The following TBC1D32 variants were observed in gnomAD, a reference collection of about 807,000 sequenced individuals.
TBC1D32 encodes protein broad-minded.
In TBC1D32, 151 loss-of-function variants were observed where a neutral mutation model predicts 170.3. The observed-to-expected ratio is 0.89, with a 90% CI of 0.78 to 1.01. The LOEUF is 1.01. Among genes scored for constraint, TBC1D32 ranks in the 50% least tolerant of loss-of-function variants. TBC1D32 has a pLI of 0.00. For synonymous variants in TBC1D32, 498 were observed against 488.0 expected (o/e 1.02, Z -0.27); for missense variants, 1,464 against 1,457.1 (o/e 1.00, Z -0.08).
intron 9 of TBC1D32, among the ~76,000 whole-genome samples, chr6:121,300,334 C>T (rs1412845169): frequency 6.6e-6 from 1 of 151,996 alleles, no homozygotes; most frequent in Non-Finnish European, 1.5e-5. Context: ...GTAGTCCCAG[C>T]TACTCAGGAG....
chr6:121,087,068 G>C (rs189825770), intron 31 of TBC1D32, among the ~76,000 whole-genome samples: 9 of 152,060 alleles, frequency 5.9e-5, no homozygotes, highest in African/African-American at 1.9e-4. Flanking sequence ...CTTCTAGCTC[G>C]GTACTAATCC....
intron 31 of TBC1D32, among the ~76,000 whole-genome samples, chr6:121,088,163 C>T (rs1248666477): frequency 2.0e-5 from 3 of 151,962 alleles, no homozygotes; most frequent in African/African-American, 4.8e-5. Flanking sequence ...CCATGTTGCC[C>T]AGGCTGGTCT....
chr6:121,242,682 T>C (rs898885337), intron 17 of TBC1D32, among the ~76,000 whole-genome samples: 4 of 152,102 alleles, frequency 2.6e-5, no homozygotes, highest in African/African-American at 9.7e-5. Context: ...TCTCCAAACC[T>C]CAACACCCCA....
At chr6:121,149,566 T>C (rs774298171) in intron 24 of TBC1D32, among the ~76,000 whole-genome samples, 3 of 152,222 alleles carry the variant, frequency 2.0e-5, no homozygotes, top group Non-Finnish European at 2.9e-5. Flanking sequence ...CAGATGATTG[T>C]AGATGTGTAG....
intron 30 of TBC1D32, chr6:121,096,009 C>G (rs1312941967): frequency 6.6e-6 from 1 of 152,128 alleles, no homozygotes; most frequent in Non-Finnish European, 1.5e-5. Flanking sequence ...AGGAATGGCA[C>G]CAGCTCCTCT....
At position 121,150,713 on chromosome 6, in the gene TBC1D32, C is replaced by T. The variant is rs546395416; in HGVS notation, c.2773+9297G>A. Among the ~76,000 whole-genome samples, 478 of 152,290 alleles carry T rather than the reference C, an allele frequency of 3.1e-3. 1 individual carries two copies. Among genetic ancestry groups the T allele is most frequent in the Middle Eastern group, 0.031 (9 of 294 alleles). ...ATTGGTCTATTCAAGGATTCAACTTCTTCCTGGTTTAGTCTTGGGAGGGTG... is the reference window on the plus strand; with the variant it reads ...ATTGGTCTATTCAAGGATTCAACTTTTTCCTGGTTTAGTCTTGGGAGGGTG... On this transcript the variant is annotated intron_variant, in intron 24 of 31. Transcript: ENST00000398212.
In TBC1D32 at chr6:121,303,608, T is replaced by C; in HGVS notation, c.1080+9A>G. On this transcript the variant is annotated intron_variant, in intron 9 of 31. Transcript: ENST00000398212. The stretch of plus-strand genomic sequence containing the variant: ...CTAAAAGGTATAAAAATATTCTATT[T>C]TTCCTTACCATCCACTTTTTGAACC... 6.5e-7 allele frequency: 1 copy of C among 1,528,482 alleles called. No homozygotes were observed. Among genetic ancestry groups the C allele is most frequent in the Non-Finnish European group, 8.9e-7 (1 of 1,128,042 alleles). The allele number at this position is 1,528,482 out of a possible 1,614,324, so 94.7% of individuals were successfully genotyped here. A position where few individuals can be genotyped will look rare whatever the true frequency, so the allele number is the denominator to read the frequency against.
chr6:121,288,521 A>C (rs1408422595), intron 12 of TBC1D32, among the ~76,000 whole-genome samples: 1 of 152,182 alleles, frequency 6.6e-6, no homozygotes, highest in Admixed American at 6.5e-5. Flanking sequence ...ATACCTTGCC[A>C]ACCAAAAAAA....
At chr6:121,109,954 C>T (rs1046422574) in intron 29 of TBC1D32, among the ~76,000 whole-genome samples, 6 of 151,958 alleles carry the variant, frequency 3.9e-5, no homozygotes, top group South Asian at 2.1e-4. Flanking sequence ...CAGATCCTTA[C>T]ATATTTCTAT....
At chr6:121,151,548 A>T (rs1284309703) in intron 24 of TBC1D32, among the ~76,000 whole-genome samples, 2 of 152,048 alleles carry the variant, frequency 1.3e-5, no homozygotes, top group East Asian at 3.9e-4. Flanking sequence ...GCAAGTCCTG[A>T]ATATTCTCGT....
At chr6:121,306,227 T>A (rs1807302338) in intron 5 of TBC1D32, among the ~76,000 whole-genome samples, 1 of 152,174 alleles carries the variant, frequency 6.6e-6, no homozygotes, top group South Asian at 2.1e-4. Flanking sequence ...GGTAAACACC[T>A]TCCCTTTATG....
chr6:121,107,602 T>C (rs1004513664), intron 29 of TBC1D32, among the ~76,000 whole-genome samples: 7 of 151,970 alleles, frequency 4.6e-5, no homozygotes, highest in African/African-American at 1.7e-4. Flanking sequence ...ACAGTATCCA[T>C]TGATTTATCT....
chr6:121,230,630 A>T (rs192911182), intron 20 of TBC1D32, among the ~76,000 whole-genome samples: 2 of 120,568 alleles, frequency 1.7e-5, no homozygotes, highest in South Asian at 2.8e-4. Flanking sequence ...TTGAAATCTG[A>T]TATGTATATA....
At chr6:121,240,769 T>A (rs1436753231) in intron 19 of TBC1D32, among the ~76,000 whole-genome samples, 1 of 150,264 alleles carries the variant, frequency 6.7e-6, no homozygotes, top group East Asian at 2.0e-4. Flanking sequence ...CCTCCTGTAA[T>A]CTCAGCTACT....
chr6:121,221,027 C>G (rs1213330894), intron 21 of TBC1D32, among the ~76,000 whole-genome samples: 5 of 152,030 alleles, frequency 3.3e-5, no homozygotes, highest in African/African-American at 1.2e-4. Flanking sequence ...GAAGTCAGTG[C>G]CTGGATCCAA....
rs202061105 is a variant in TBC1D32 at position 121,251,931 on chromosome 6, CAT to C, written c.2018+3395_2018+3396del. 8.9e-3 allele frequency among the ~76,000 whole-genome samples: 1,348 copies of C among 152,222 alleles called. 24 individuals carry two copies. Among genetic ancestry groups the C allele is most frequent in the African/African-American group, 0.031 (1,274 of 41,530 alleles). On this transcript the variant is annotated intron_variant, in intron 17 of 31. Transcript: ENST00000398212. ...TTCTGAAAAGAAGACAGCCAACAAA[CAT>C]ATGAAACATATTTATGCGGCCAAGA...
At chr6:121,317,209 A>G (rs1809054953) in intron 3 of TBC1D32, among the ~76,000 whole-genome samples, 1 of 152,146 alleles carries the variant, frequency 6.6e-6, no homozygotes, top group South Asian at 2.1e-4. Flanking sequence ...TGTTTTAATT[A>G]GAGCTTAAGC....
chr6:121,105,276 A>G (rs2128190480), intron 30 of TBC1D32, among the ~76,000 whole-genome samples: 1 of 152,090 alleles, frequency 6.6e-6, no homozygotes, highest in South Asian at 2.1e-4. Context: ...CCAAACATGA[A>G]GAATAGGGAC....
In TBC1D32 at chr6:121,113,190, C is replaced by T. The variant is rs747372480; in HGVS notation, c.3054-13G>A. 1 of 1,539,742 alleles carries T rather than the reference C, an allele frequency of 6.5e-7. No homozygotes were observed. The stretch of plus-strand genomic sequence containing the variant: ...GAATTTGCCATACCTATATTAAAAG[C>T]CCACAAAACATAAAACATATCAGGT... On this transcript the variant is annotated splice_polypyrimidine_tract_variant and intron_variant, in intron 27 of 31. Transcript: ENST00000398212.
Sources: gnomAD v4.1 joint callset for allele counts (sites outside exome capture counted in the v4.1 genomes callset) on GRCh38, gnomAD v4.1.1 for gene constraint, MANE v1.5 for transcripts, NCBI Gene and HGNC (gene_info 2026-07-23, HGNC 2026-07-21) for gene names.